The following STAM variants were observed in gnomAD, a reference collection of about 807,000 sequenced individuals.
STAM encodes the protein signal transducing adapter molecule 1.
A neutral mutation model predicts 63.4 loss-of-function variants in STAM; 16 were observed. The ratio of observed to expected loss-of-function variants is 0.25; its 90% CI spans 0.17 to 0.38. STAM has a LOEUF of 0.38. STAM is among the 10% of genes least tolerant of loss of function. The pLI, the probability that STAM is intolerant of heterozygous loss-of-function variation, is 1.00. For missense variants in STAM, 636 were observed against 657.1 expected (o/e 0.97, Z 0.35); for synonymous variants, 238 against 223.9 (o/e 1.06, Z -0.56).
At position 17,716,757 on chromosome 10, in the gene STAM, C is replaced by T. The variant is rs1406253819; in HGVS notation, c.*1977C>T. On this transcript the variant is annotated 3_prime_UTR_variant, in exon 14 of 14. Coordinates refer to ENST00000377524, the MANE Select transcript of STAM (RefSeq NM_003473.4). ...AGAAAAAACTACCCTTATTACAACC[C>T]ATATACATTTTTCTTTACCTTTTAC... Among the ~76,000 whole-genome samples, 1 of 152,144 alleles carries T rather than the reference C, an allele frequency of 6.6e-6. No individual in the cohort carries two copies. The highest frequency in any genetic ancestry group is 1.9e-4 in the East Asian group (1 of 5,192).
intron 1 of STAM, among the ~76,000 whole-genome samples, chr10:17,649,379 T>G (rs1254246572): frequency 6.9e-6 from 1 of 145,136 alleles, no homozygotes; most frequent in Non-Finnish European, 1.5e-5. Flanking sequence ...GGCAAGAGAG[T>G]GAGACCCTGT....
chr10:17,644,495 C>T, intron 1 of STAM, 116 bp downstream of exon 1: 1 of 1,254,242 alleles, frequency 8.0e-7, no homozygotes, highest in Non-Finnish European at 1.1e-6. Context: ...CGCTCTTCCC[C>T]TTTCCTGAGG....
chr10:17,713,865 A>ACAGTCCTTATTGTGGCCATCAGGTG (rs1461458806), intron 13 of STAM, among the ~76,000 whole-genome samples: 32 of 152,118 alleles, frequency 2.1e-4, no homozygotes, highest in African/African-American at 7.5e-4. Flanking sequence ...AGTGTAAGCT[A>ACAGTCCTTATTGTGGCCATCAGGTG]CAGTCCTTAT....
rs2131683238 is a variant in STAM, at chr10:17,705,041, G to A, written c.1055+17G>A. 6.2e-7 allele frequency: 1 copy of A among 1,609,086 alleles called. No individual in the cohort carries two copies. Among genetic ancestry groups the A allele is most frequent in the South Asian group, 1.1e-5 (1 of 90,444 alleles). On this transcript the variant is annotated intron_variant, in intron 11 of 13. Transcript: ENST00000377524. ...TATTGATAGGTAAAAGAACATGGGT[G>A]CATTTATGTTGTGTACCTTCTTTCC... is the stretch of plus-strand genomic sequence containing the variant.
intron 11 of STAM, 80 bp downstream of exon 11, chr10:17,705,104 C>A (rs1484343005): frequency 8.2e-7 from 1 of 1,217,016 alleles, no homozygotes. Flanking sequence ...GCTATAACTG[C>A]CTTTTAAAAA....
chr10:17,710,582 C>G (rs2131700793), intron 13 of STAM, among the ~76,000 whole-genome samples: 1 of 152,378 alleles, frequency 6.6e-6, no homozygotes, highest in East Asian at 1.9e-4. Context: ...TTTTCCACCT[C>G]TCAGCACTGT....
At chr10:17,675,672 C>T (rs1367817790) in intron 2 of STAM, among the ~76,000 whole-genome samples, 1 of 152,158 alleles carries the variant, frequency 6.6e-6, no homozygotes, top group Non-Finnish European at 1.5e-5. Flanking sequence ...CTTCATGAAG[C>T]AGGGTCAGTC....
chr10:17,711,811 C>T (rs1836568306), intron 13 of STAM, among the ~76,000 whole-genome samples: 1 of 152,152 alleles, frequency 6.6e-6, no homozygotes, highest in Non-Finnish European at 1.5e-5. Context: ...TAGATACCAT[C>T]TTAGGGATAA....
At chr10:17,678,662 T>C (rs1208504242) in intron 2 of STAM, among the ~76,000 whole-genome samples, 2 of 152,248 alleles carry the variant, frequency 1.3e-5, no homozygotes, top group Non-Finnish European at 2.9e-5. Flanking sequence ...AAATCATTTT[T>C]AAGTGTATAA....
intron 11 of STAM, among the ~76,000 whole-genome samples, 185 bp downstream of exon 11, chr10:17,705,209 G>T (rs1836206285): frequency 6.6e-6 from 1 of 152,114 alleles, no homozygotes; most frequent in Non-Finnish European, 1.5e-5. Context: ...GTGAGGATTT[G>T]ATCGACCTTT....
chr10:17,700,738 C>A (rs2131672560), intron 9 of STAM, among the ~76,000 whole-genome samples: 1 of 152,258 alleles, frequency 6.6e-6, no homozygotes, highest in East Asian at 1.9e-4. Flanking sequence ...GTATTCATAT[C>A]ATGCGAGAAC....
intron 4 of STAM, among the ~76,000 whole-genome samples, chr10:17,686,181 C>T (rs10795504): frequency 0.13 from 19,178 of 151,998 alleles, 1,384 homozygotes; most frequent in East Asian, 0.26. Flanking sequence ...GAATGTCCAT[C>T]GAGATTACAA....
chr10:17,648,369 A>G (rs1833599921), intron 1 of STAM, among the ~76,000 whole-genome samples: 1 of 152,196 alleles, frequency 6.6e-6, no homozygotes, highest in African/African-American at 2.4e-5. Context: ...CTGTAAAATG[A>G]ACCAATCAGC....
chr10:17,671,351 G>C (rs1428209673), intron 2 of STAM, among the ~76,000 whole-genome samples: 2 of 152,196 alleles, frequency 1.3e-5, no homozygotes, highest in Non-Finnish European at 2.9e-5. Flanking sequence ...ACATTTTTGT[G>C]CTTTCAAGAA....
intron 2 of STAM, among the ~76,000 whole-genome samples, chr10:17,666,808 G>A (rs1554823457): frequency 6.6e-6 from 1 of 152,102 alleles, no homozygotes; most frequent in African/African-American, 2.4e-5. Context: ...TCTCTGAGCT[G>A]GATATTCTAG....
chr10:17,705,645 T>C lies in STAM; in HGVS notation c.1113T>C (p.Tyr371=), dbSNP rs141868352. 93 of 1,614,010 alleles carry C rather than the reference T, an allele frequency of 5.8e-5. No individual in the cohort carries two copies. Among genetic ancestry groups the C allele is most frequent in the Admixed American group, 5.5e-4 (33 of 60,002 alleles). ...NVKVMEALSL[Y]TKLMNEDPMY... is the part of the protein sequence containing the mutation. ...AAGTGATGGAGGCCCTTTCCTTATATACCAAGTTAATGAACGAAGATCCGA... is the reference window on the plus strand; with the variant it reads ...AAGTGATGGAGGCCCTTTCCTTATACACCAAGTTAATGAACGAAGATCCGA... The change falls in exon 12 of 14, where the codon TAT becomes TAC. Residue 371 remains tyrosine (Y), a synonymous_variant. Coordinates refer to ENST00000377524, the MANE Select transcript of STAM (RefSeq NM_003473.4).
chr10:17,687,036 G>T (rs782419016), intron 4 of STAM, among the ~76,000 whole-genome samples: 14 of 152,164 alleles, frequency 9.2e-5, no homozygotes, highest in South Asian at 8.3e-4. Context: ...AACTGGCCAG[G>T]TTTTTTCCCT....
At chr10:17,687,134 T>C (rs1449343047) in intron 4 of STAM, among the ~76,000 whole-genome samples, 6 of 152,204 alleles carry the variant, frequency 3.9e-5, no homozygotes, top group Admixed American at 2.6e-4. Context: ...CCTGCACACC[T>C]GCCTTAGACT....
rs1554829166 is a variant in STAM at position 17,705,737 on chromosome 10, C to G, written c.1205C>G (p.Ser402Cys). 6.2e-7 allele frequency: 1 copy of G among 1,609,898 alleles called. No homozygotes were observed. The highest frequency in any genetic ancestry group is 1.3e-5 in the African/African-American group (1 of 74,596). ...YYMQSSGVSG[S>C]QVYAGPPPSG... is the part of the protein sequence containing the mutation. ...ATGCAGTCATCTGGTGTTTCTGGTTCTCAGGTAAGCTTTTAGAAGCCCATG... is the reference window on the plus strand; with the variant it reads ...ATGCAGTCATCTGGTGTTTCTGGTTGTCAGGTAAGCTTTTAGAAGCCCATG... The change falls in exon 12 of 14, where the codon TCT becomes TGT. Residue 402 changes from serine (S) to cysteine (C), a missense_variant. Physicochemically the swap from Ser to Cys is moderately radical, Grantham distance 112. Transcript: ENST00000377524.
Sources: allele counts gnomAD v4.1 joint callset (sites outside exome capture counted in the v4.1 genomes callset), GRCh38; gene constraint gnomAD v4.1.1; transcripts MANE v1.5; gene names NCBI Gene and HGNC (gene_info 2026-07-23, HGNC 2026-07-21).